SLC22A3: variants seen among roughly 807,000 people sequenced by gnomAD.
SLC22A3 encodes solute carrier family 22 member 3, also known as EMT organic cation transporter 3.
SLC22A3 carries 51 observed loss-of-function variants against 59.1 expected under a neutral mutation model. That is an observed-to-expected ratio of 0.86 (90% CI 0.69 to 1.09). SLC22A3 has a LOEUF of 1.09. Among genes scored for constraint, SLC22A3 ranks in the 50% least tolerant of loss-of-function variants. The probability of loss-of-function intolerance (pLI) is 0.00; values close to 1 mark genes in which losing one functional copy is unlikely to be tolerated. For synonymous variants in SLC22A3, 325 were observed against 292.0 expected, an observed-to-expected ratio of 1.11 and a Z score of -1.15; for missense variants, 711 against 726.3, an observed-to-expected ratio of 0.98 and a Z score of 0.24.
chr6:160,422,274 T>C (rs1469020066), intron 5 of SLC22A3, among the ~76,000 whole-genome samples: 2 of 152,160 alleles, frequency 1.3e-5, no homozygotes, highest in Non-Finnish European at 2.9e-5. Context: ...CTGGAGGAAA[T>C]TGTACTAAAA....
At chr6:160,367,238 G>T (rs950527175) in intron 1 of SLC22A3, among the ~76,000 whole-genome samples, 1 of 152,148 alleles carries the variant, frequency 6.6e-6, no homozygotes, top group Non-Finnish European at 1.5e-5. Flanking sequence ...ATCACATGGT[G>T]GCAGCAAGAA....
At chr6:160,362,126 A>G (rs553394452) in intron 1 of SLC22A3, among the ~76,000 whole-genome samples, 12 of 152,356 alleles carry the variant, frequency 7.9e-5, no homozygotes, top group African/African-American at 2.9e-4. Context: ...ACAGGGATGA[A>G]CAATGCACAG....
intron 1 of SLC22A3, among the ~76,000 whole-genome samples, chr6:160,396,125 G>T (rs917828648): frequency 2.6e-5 from 4 of 152,140 alleles, no homozygotes; most frequent in Admixed American, 6.5e-5. Flanking sequence ...AAGGATGCAG[G>T]TTCCTACCCA....
At chr6:160,449,418 C>A (rs1270508945) in intron 10 of SLC22A3, among the ~76,000 whole-genome samples, 1 of 151,710 alleles carries the variant, frequency 6.6e-6, no homozygotes, top group East Asian at 1.9e-4. Flanking sequence ...ATTAATTATA[C>A]CTAGTCTCTA....
Position 160,429,674 on chromosome 6 carries a change from G to A in SLC22A3, c.976-7106G>A, listed in dbSNP as rs372521371. 1.2e-4 allele frequency among the ~76,000 whole-genome samples: 18 copies of A among 152,274 alleles called. No individual in the cohort carries two copies. In the South Asian group the frequency reaches 3.5e-3, roughly 30 times the overall value. On this transcript the variant is annotated intron_variant, in intron 5 of 10. Transcript: ENST00000275300. Reference sequence around the variant, plus strand: ...CAGCAGGCTCCCAGGGGAGACCAACGCTGCTGACTTGTGGGTCATACTTTG... The same window carrying A: ...CAGCAGGCTCCCAGGGGAGACCAACACTGCTGACTTGTGGGTCATACTTTG...
intron 7 of SLC22A3, among the ~76,000 whole-genome samples, chr6:160,439,517 T>C (rs1357416228): frequency 6.6e-6 from 1 of 152,200 alleles, no homozygotes; most frequent in Non-Finnish European, 1.5e-5. Context: ...CCAGAAAGCA[T>C]TCAAGGCTGT....
chr6:160,413,497 A>G (rs1243141999), intron 5 of SLC22A3, among the ~76,000 whole-genome samples: 2 of 152,202 alleles, frequency 1.3e-5, no homozygotes, highest in Non-Finnish European at 1.5e-5. Context: ...TACTCTGCCT[A>G]GTTTCCCTAT....
chr6:160,447,780 C>T lies in SLC22A3; in HGVS notation c.1572C>T (p.Ala524=), dbSNP rs745452406. 22 of 1,614,026 alleles carry T rather than the reference C, an allele frequency of 1.4e-5. No individual in the cohort carries two copies. Among genetic ancestry groups the T allele is most frequent in the Non-Finnish European group, 1.7e-5 (20 of 1,180,002 alleles). Residue 524 remains alanine (A), a synonymous_variant, in exon 10 of 11, where the codon GCC becomes GCT. Coordinates refer to ENST00000275300, the MANE Select transcript of SLC22A3 (RefSeq NM_021977.4). Reference sequence around the variant, plus strand: ...TTTTGCCTGAAACCAAGGGTATTGCCTTGCCAGAGACAGTGGATGATGTAG... The same window carrying T: ...TTTTGCCTGAAACCAAGGGTATTGCTTTGCCAGAGACAGTGGATGATGTAG... ...VMLLPETKGI[A]LPETVDDVEK...
At chr6:160,383,009 G>GA (rs1785853237) in intron 1 of SLC22A3, among the ~76,000 whole-genome samples, 2 of 151,974 alleles carry the variant, frequency 1.3e-5, no homozygotes. Context: ...AGAATAGAAA[G>GA]AAAAAAATAC....
At chr6:160,434,643 T>A (rs945131251) in intron 5 of SLC22A3, among the ~76,000 whole-genome samples, 3 of 152,214 alleles carry the variant, frequency 2.0e-5, no homozygotes, top group East Asian at 1.9e-4. Context: ...CAACAAACTA[T>A]ACCATAATAT....
chr6:160,398,055 C>G lies in SLC22A3; in HGVS notation c.506C>G (p.Ala169Gly), dbSNP rs1452682622. ...CTGAACCTCGGCTTCCTGACTGGAG[C>G]ATTCACCTTAGGCTATGCAGCAGAC... ...AILNLGFLTG[A>G]FTLGYAADRY... Residue 169 changes from alanine (A) to glycine (G), a missense_variant, in exon 2 of 11, where the codon GCA (alanine) becomes GGA (glycine). By Grantham distance (60) the Ala-to-Gly change is moderately conservative. Coordinates refer to ENST00000275300, the MANE Select transcript of SLC22A3 (RefSeq NM_021977.4). 6.2e-7 allele frequency: 1 copy of G among 1,613,720 alleles called. No individual in the cohort carries two copies.
At chr6:160,378,670 T>C (rs1245406008) in intron 1 of SLC22A3, among the ~76,000 whole-genome samples, 2 of 152,190 alleles carry the variant, frequency 1.3e-5, no homozygotes, top group Non-Finnish European at 2.9e-5. Context: ...ATATCATAAG[T>C]TGAAAAATGC....
chr6:160,385,583 G>C (rs1785970860), intron 1 of SLC22A3, among the ~76,000 whole-genome samples: 1 of 152,164 alleles, frequency 6.6e-6, no homozygotes, highest in Non-Finnish European at 1.5e-5. Flanking sequence ...CCTGCACCCA[G>C]GACCAAGCTT....
intron 1 of SLC22A3, among the ~76,000 whole-genome samples, chr6:160,366,518 A>G (rs2114763673): frequency 6.6e-6 from 1 of 152,138 alleles, no homozygotes; most frequent in East Asian, 1.9e-4. Context: ...GCTGTCAGTG[A>G]ATCTACCATT....
At chr6:160,412,143 C>T (rs1787277660) in intron 5 of SLC22A3, among the ~76,000 whole-genome samples, 1 of 152,020 alleles carries the variant, frequency 6.6e-6, no homozygotes, top group Non-Finnish European at 1.5e-5. Flanking sequence ...AGGTGGATCA[C>T]CTGAGGTCAG....
chr6:160,390,809 G>C (rs976420131), intron 1 of SLC22A3, among the ~76,000 whole-genome samples: 1 of 152,138 alleles, frequency 6.6e-6, no homozygotes, highest in Non-Finnish European at 1.5e-5. Flanking sequence ...GAAACTGGGT[G>C]GTTTCAGAAA....
chr6:160,422,327 G>T lies in SLC22A3; in HGVS notation c.975+11481G>T, dbSNP rs369253857. On this transcript the variant is annotated intron_variant, in intron 5 of 10. Coordinates refer to ENST00000275300, the MANE Select transcript of SLC22A3 (RefSeq NM_021977.4). ...ACACATTGTCATTCAATCTCTTGAG[G>T]TCCCATCCAGGAAGATGATAAAAAA... is the stretch of plus-strand genomic sequence containing the variant. 1.4e-4 allele frequency among the ~76,000 whole-genome samples: 21 copies of T among 152,318 alleles called. No homozygotes were observed. The East Asian group carries it at 3.7e-3, about 27-fold the overall frequency.
chr6:160,450,305 A>G (rs903629604), intron 10 of SLC22A3, among the ~76,000 whole-genome samples: 1 of 152,192 alleles, frequency 6.6e-6, no homozygotes, highest in African/African-American at 2.4e-5. Flanking sequence ...GACTTCAGCA[A>G]TATCTTCCCT....
At chr6:160,360,089 T>G (rs1014554429) in intron 1 of SLC22A3, among the ~76,000 whole-genome samples, 5 of 152,230 alleles carry the variant, frequency 3.3e-5, no homozygotes, top group Admixed American at 6.5e-5. Context: ...TATTTTTCCT[T>G]ACTAAACTTT....
Sources: allele counts gnomAD v4.1 joint callset (sites outside exome capture counted in the v4.1 genomes callset), GRCh38; gene constraint gnomAD v4.1.1; transcripts MANE v1.5; gene names NCBI Gene and HGNC (gene_info 2026-07-23, HGNC 2026-07-21).